N4BP2: variants seen among roughly 807,000 people sequenced by gnomAD.
The protein encoded by N4BP2 is NEDD4-binding protein 2.
Under a neutral mutation model 152.8 loss-of-function variants are expected in N4BP2, and 91 were observed. The ratio of observed to expected loss-of-function variants is 0.60; its 90% CI spans 0.50 to 0.71. The LOEUF (loss-of-function observed/expected upper bound fraction) is 0.71. Ranked by LOEUF, N4BP2 falls within the 30% of genes least tolerant of loss-of-function variation. N4BP2 has a pLI of 0.00. For synonymous variants in N4BP2, 646 were observed against 705.3 expected (o/e 0.92, Z 1.33); for missense variants, 1,923 against 2,059.1 (o/e 0.93, Z 1.28).
chr4:40,145,347 C>G (rs1720418815), intron 16 of N4BP2, among the ~76,000 whole-genome samples: 1 of 152,092 alleles, frequency 6.6e-6, no homozygotes, highest in Admixed American at 6.5e-5. Flanking sequence ...CCTCAGCCTC[C>G]CGAGTAGCTG....
chr4:40,096,270 G>A (rs949433781), intron 2 of N4BP2, among the ~76,000 whole-genome samples: 12 of 152,142 alleles, frequency 7.9e-5, no homozygotes, highest in African/African-American at 2.2e-4. Context: ...GTAGGAAAGT[G>A]GGATAAATGG....
the N4BP2 span, among the ~76,000 whole-genome samples, chr4:40,188,054 A>T: frequency 6.6e-6 from 1 of 152,196 alleles, no homozygotes; most frequent in Non-Finnish European, 1.5e-5. Flanking sequence ...ACAACAACAA[A>T]AGAAAATGTT....
intron 16 of N4BP2, among the ~76,000 whole-genome samples, chr4:40,147,744 C>T (rs1287871537): frequency 2.7e-4 from 41 of 151,580 alleles, no homozygotes; most frequent in African/African-American, 6.1e-4. Context: ...GGGTGGCTGC[C>T]GGGCGGAGGG....
intron 7 of N4BP2, among the ~76,000 whole-genome samples, chr4:40,114,914 A>G (rs1411058631): frequency 6.6e-6 from 1 of 152,174 alleles, no homozygotes; most frequent in Admixed American, 6.5e-5. Flanking sequence ...TTACACATCT[A>G]CTGTGTTAGC....
At chr4:40,078,671 G>A (rs1366233386) in intron 2 of N4BP2, among the ~76,000 whole-genome samples, 2 of 151,944 alleles carry the variant, frequency 1.3e-5, no homozygotes, top group African/African-American at 4.8e-5. Context: ...GACTACAGGT[G>A]TGCACCATTA....
chr4:40,118,568 T>C (rs1438307416), intron 8 of N4BP2, among the ~76,000 whole-genome samples: 3 of 152,256 alleles, frequency 2.0e-5, no homozygotes, highest in Non-Finnish European at 2.9e-5. Context: ...GTTCTTTTAT[T>C]GTCCTCAGAG....
intron 11 of N4BP2, among the ~76,000 whole-genome samples, chr4:40,124,828 A>G (rs1284551563): frequency 6.6e-6 from 1 of 152,344 alleles, no homozygotes; most frequent in African/African-American, 2.4e-5. Context: ...TTTGAGAGCA[A>G]CAGAGTGTTC....
intron 1 of N4BP2, among the ~76,000 whole-genome samples, chr4:40,061,787 C>T (rs576457732): frequency 5.9e-5 from 9 of 151,948 alleles, no homozygotes; most frequent in Non-Finnish European, 1.3e-4. Flanking sequence ...GCCTCAGCCT[C>T]CCGAGTAGCT....
chr4:40,175,886 C>G, the N4BP2 span, among the ~76,000 whole-genome samples: 1 of 148,764 alleles, frequency 6.7e-6, no homozygotes, highest in African/African-American at 2.5e-5. Flanking sequence ...GTCAGGAGAT[C>G]GAGACCATCT....
At chr4:40,086,131 A>ATTT (rs59899449) in intron 2 of N4BP2, among the ~76,000 whole-genome samples, 19 of 130,228 alleles carry the variant, frequency 1.5e-4, no homozygotes, top group East Asian at 1.2e-3. Context: ...TGCCCGGCTA[A>ATTT]TTTTTTTTTT....
At chr4:40,093,047 G>A (rs950645926) in intron 2 of N4BP2, among the ~76,000 whole-genome samples, 1 of 151,732 alleles carries the variant, frequency 6.6e-6, no homozygotes, top group Non-Finnish European at 1.5e-5. Flanking sequence ...GGGTTCAAAC[G>A]ATTCTCCTGC....
intron 13 of N4BP2, among the ~76,000 whole-genome samples, chr4:40,132,284 G>T (rs1386039266): frequency 9.9e-5 from 15 of 152,032 alleles, no homozygotes. Context: ...CAGTATCTGG[G>T]AGATTGGTTA....
chr4:40,071,877 T>C (rs1578951893), intron 1 of N4BP2, among the ~76,000 whole-genome samples: 1 of 152,020 alleles, frequency 6.6e-6, no homozygotes, highest in East Asian at 1.9e-4. Flanking sequence ...CAAATTTCTT[T>C]TTTTAAAAAA....
At chr4:40,119,730 G>C (rs1717677959) in intron 8 of N4BP2, among the ~76,000 whole-genome samples, 1 of 152,104 alleles carries the variant, frequency 6.6e-6, no homozygotes, top group African/African-American at 2.4e-5. Context: ...CATCATGCTA[G>C]GTAATGGGGT....
chr4:40,132,834 AT>A (rs10714755), intron 13 of N4BP2, among the ~76,000 whole-genome samples: 111,961 of 148,368 alleles, frequency 0.75, 42,518 homozygotes, highest in East Asian at 0.97. Flanking sequence ...TTACTTTCAG[AT>A]TTTTTTTTTT....
chr4:40,103,459 C>A (rs1188984610), intron 4 of N4BP2, among the ~76,000 whole-genome samples: 1 of 152,076 alleles, frequency 6.6e-6, no homozygotes, highest in African/African-American at 2.4e-5. Flanking sequence ...AAGACAATTT[C>A]AAAATTGTGA....
chr4:40,185,452 CATT>C, the N4BP2 span, among the ~76,000 whole-genome samples: 1 of 152,044 alleles, frequency 6.6e-6, no homozygotes, highest in African/African-American at 2.4e-5. Flanking sequence ...TTAGAAATCT[CATT>C]ATTGTATATT....
At chr4:40,117,257 C>G (rs1717428042) in intron 7 of N4BP2, among the ~76,000 whole-genome samples, 1 of 152,150 alleles carries the variant, frequency 6.6e-6, no homozygotes, top group South Asian at 2.1e-4. Flanking sequence ...ACCTCTCTTT[C>G]ATATTTTCTA....
At chr4:40,090,742 G>T (rs1204665941) in intron 2 of N4BP2, among the ~76,000 whole-genome samples, 1 of 151,966 alleles carries the variant, frequency 6.6e-6, no homozygotes, top group Non-Finnish European at 1.5e-5. Context: ...AGACCAGCCT[G>T]GTCAACATGG....
Sources: allele counts gnomAD v4.1 joint callset (sites outside exome capture counted in the v4.1 genomes callset), GRCh38; gene constraint gnomAD v4.1.1; transcripts MANE v1.5; gene names NCBI Gene and HGNC (gene_info 2026-07-23, HGNC 2026-07-21).